Variants in NLK observed in about 807,000 individuals in gnomAD.
NLK encodes nemo like kinase, also known as serine/threonine-protein kinase NLK.
NLK carries 11 observed loss-of-function variants against 59.0 expected under a neutral mutation model. The observed-to-expected ratio is 0.19, with a 90% confidence interval of 0.12 to 0.31. The LOEUF is 0.31. Among genes scored for constraint, NLK ranks in the 10% least tolerant of loss-of-function variants. NLK has a pLI of 1.00. For missense variants in NLK, 410 were observed against 661.1 expected, an observed-to-expected ratio of 0.62 and a Z score of 4.16; for synonymous variants, 235 against 235.9, an observed-to-expected ratio of 1.00 and a Z score of 0.03.
intron 1 of NLK, among the ~76,000 whole-genome samples, chr17:28,082,106 C>G (rs1057038436): frequency 1.3e-5 from 2 of 152,160 alleles, no homozygotes; most frequent in African/African-American, 4.8e-5. Flanking sequence ...GTTGGCCATG[C>G]TGGCCATGCT....
chr17:28,079,336 A>G (rs1395648884), intron 1 of NLK, among the ~76,000 whole-genome samples: 1 of 152,206 alleles, frequency 6.6e-6, no homozygotes, highest in East Asian at 1.9e-4. Flanking sequence ...ATATGCAAAT[A>G]TCTCTTTGAG....
intron 1 of NLK, among the ~76,000 whole-genome samples, chr17:28,110,478 G>A (rs1036658863): frequency 2.0e-5 from 3 of 148,836 alleles, no homozygotes; most frequent in South Asian, 2.1e-4. Flanking sequence ...ATCCTACTTG[G>A]GTTTTTTGGG....
chr17:28,143,693 G>A (rs1182004388), intron 3 of NLK, among the ~76,000 whole-genome samples: 4 of 152,186 alleles, frequency 2.6e-5, no homozygotes. Context: ...AGCATCAGTA[G>A]CTCATTGCAC....
In NLK at chr17:28,042,822, C is replaced by A; in HGVS notation, c.-52C>A. ...TGGTTTTTCTTCATTTTTAAATGGC[C>A]AAATGACAGCTTGACCCAGTTTGCT... On this transcript the variant is annotated 5_prime_UTR_variant, in exon 1 of 11. Transcript: ENST00000407008. 7.0e-7 allele frequency: 1 copy of A among 1,438,634 alleles called. No homozygotes were observed. 89.1% of individuals were successfully genotyped at this position (1,438,634 alleles called of 1,614,324 possible).
intron 1 of NLK, among the ~76,000 whole-genome samples, chr17:28,083,013 T>C (rs1451869846): frequency 6.6e-6 from 1 of 152,198 alleles, no homozygotes; most frequent in Non-Finnish European, 1.5e-5. Context: ...GGAATAATAG[T>C]CACATGGTTT....
At chr17:28,056,387 C>T (rs1303567998) in intron 1 of NLK, among the ~76,000 whole-genome samples, 1 of 152,210 alleles carries the variant, frequency 6.6e-6, no homozygotes, top group Non-Finnish European at 1.5e-5. Flanking sequence ...CAACGTTGCA[C>T]AGCTGGTTGG....
chr17:28,183,972 A>G (rs1307634216), intron 7 of NLK, among the ~76,000 whole-genome samples: 1 of 152,242 alleles, frequency 6.6e-6, no homozygotes. Context: ...TGTGAGAGAC[A>G]GAGCAATGAT....
intron 1 of NLK, among the ~76,000 whole-genome samples, chr17:28,119,144 A>G (rs1187667784): frequency 6.6e-6 from 1 of 152,216 alleles, no homozygotes; most frequent in Admixed American, 6.5e-5. Flanking sequence ...CCTTTGAGTA[A>G]CAAAAAATAA....
chr17:28,068,747 A>G (rs2142754855), intron 1 of NLK, among the ~76,000 whole-genome samples: 1 of 152,320 alleles, frequency 6.6e-6, no homozygotes, highest in East Asian at 1.9e-4. Flanking sequence ...TGGCATGATC[A>G]TAGCTCACTG....
intron 2 of NLK, 151 bp from the exon 3 acceptor site, chr17:28,132,469 C>T (rs1373197569): frequency 3.2e-6 from 2 of 625,636 alleles, no homozygotes; most frequent in Admixed American, 2.8e-5. Flanking sequence ...ATGTTTAGTA[C>T]TGTGTTTCTT....
Position 28,109,423 on chromosome 17 carries a change from A to C in NLK, c.459-13180A>C, listed in dbSNP as rs111378816. ...ACCATCAAATTTACCCATCATAAGT[A>C]TGTAATTCAGTGACTTTTAGTTAAT... On this transcript the variant is annotated intron_variant, in intron 1 of 10. Coordinates refer to ENST00000407008, the MANE Select transcript of NLK (RefSeq NM_016231.5). Among the ~76,000 whole-genome samples, 419 of 152,322 alleles carry C rather than the reference A, an allele frequency of 2.8e-3. 4 individuals carry two copies. Among genetic ancestry groups the C allele is most frequent in the African/African-American group, 9.3e-3 (387 of 41,582 alleles).
chr17:28,096,560 G>A lies in NLK; in HGVS notation c.459-26043G>A, dbSNP rs574026151. On this transcript the variant is annotated intron_variant, in intron 1 of 10. Transcript: ENST00000407008. The stretch of plus-strand genomic sequence containing the variant: ...TGTCAACAATTTGCATTTGGTTGGA[G>A]AAGATTATGGGAACTTTAATATTGG... Among the ~76,000 whole-genome samples, 3 of 152,258 alleles carry A rather than the reference G, an allele frequency of 2.0e-5. No individual in the cohort carries two copies. In the East Asian group the frequency reaches 5.8e-4, roughly 29 times the overall value.
chr17:28,085,360 G>A (rs1249614582), intron 1 of NLK, among the ~76,000 whole-genome samples: 4 of 152,222 alleles, frequency 2.6e-5, no homozygotes, highest in South Asian at 4.1e-4. Context: ...ACTTAAACAA[G>A]CGAAGAAAGT....
chr17:28,136,150 C>T (rs1411134434), intron 3 of NLK, among the ~76,000 whole-genome samples: 2 of 152,174 alleles, frequency 1.3e-5, no homozygotes, highest in Non-Finnish European at 2.9e-5. Context: ...ATACCATTTA[C>T]TTAAATGTTT....
At chr17:28,071,363 T>C (rs1419409159) in intron 1 of NLK, among the ~76,000 whole-genome samples, 1 of 152,166 alleles carries the variant, frequency 6.6e-6, no homozygotes, top group Non-Finnish European at 1.5e-5. Flanking sequence ...ATGTCAACTC[T>C]GTAGATCAAA....
intron 2 of NLK, among the ~76,000 whole-genome samples, chr17:28,125,191 C>T (rs1284566072): frequency 2.0e-5 from 3 of 152,110 alleles, no homozygotes; most frequent in African/African-American, 4.8e-5. Context: ...ATGACTCATT[C>T]CTAGTAACTA....
In NLK at chr17:28,043,103, CAG is replaced by C; in HGVS notation, c.231_232del (p.Ala78GlyfsTer44). On this transcript the variant is annotated frameshift_variant, in exon 1 of 11. Transcript: ENST00000407008. LOFTEE classifies it high-confidence loss of function. ...TCTTCGGCAGCTGCGGCAGCCGCAG[CAG>C]CGGCTGCAGCTGCAGCCATGTTAAA... 1 of 1,585,718 alleles carries C rather than the reference CAG, an allele frequency of 6.3e-7. No homozygotes were observed.
At chr17:28,153,174 C>T (rs999804066) in intron 3 of NLK, among the ~76,000 whole-genome samples, 1 of 150,868 alleles carries the variant, frequency 6.6e-6, no homozygotes, top group African/African-American at 2.4e-5. Flanking sequence ...CTCAAGAGGC[C>T]GAGGCAGGAG....
chr17:28,056,788 G>A (rs1909458691), intron 1 of NLK, among the ~76,000 whole-genome samples: 1 of 151,946 alleles, frequency 6.6e-6, no homozygotes, highest in African/African-American at 2.4e-5. Flanking sequence ...TATATCCAAT[G>A]TAACTAAGTT....
Sources: allele counts gnomAD v4.1 joint callset (sites outside exome capture counted in the v4.1 genomes callset), GRCh38; gene constraint gnomAD v4.1.1; transcripts MANE v1.5; gene names NCBI Gene and HGNC (gene_info 2026-07-23, HGNC 2026-07-21).